TBX15: variants seen among roughly 807,000 people sequenced by gnomAD.
TBX15 encodes T-box transcription factor TBX15.
A neutral mutation model predicts 53.9 loss-of-function variants in TBX15; 18 were observed. The ratio of observed to expected loss-of-function variants is 0.33; its 90% CI spans 0.23 to 0.49. TBX15 has a LOEUF of 0.49. Ranked by LOEUF, TBX15 falls within the 20% of genes least tolerant of loss-of-function variation. The pLI, the probability that TBX15 is intolerant of heterozygous loss-of-function variation, is 0.98. For synonymous variants in TBX15, 295 were observed against 278.0 expected (o/e 1.06, Z -0.61); for missense variants, 692 against 749.5 (o/e 0.92, Z 0.90).
intron 6 of TBX15, among the ~76,000 whole-genome samples, chr1:118,912,640 G>C (rs536314910): frequency 2.6e-5 from 4 of 152,218 alleles, no homozygotes; most frequent in African/African-American, 9.6e-5. Flanking sequence ...AAGGCAATAG[G>C]AAATGGCTTG....
intron 1 of TBX15, among the ~76,000 whole-genome samples, chr1:118,978,714 G>A (rs2101049717): frequency 6.6e-6 from 1 of 152,224 alleles, no homozygotes; most frequent in South Asian, 2.1e-4. Context: ...ATCCACATAA[G>A]TAAGTAAAGT....
At chr1:118,911,863 A>T (rs891702005) in intron 6 of TBX15, among the ~76,000 whole-genome samples, 1 of 152,178 alleles carries the variant, frequency 6.6e-6, no homozygotes, top group African/African-American at 2.4e-5. Context: ...CATTCATGGC[A>T]TCTTATCAGG....
intron 1 of TBX15, among the ~76,000 whole-genome samples, chr1:118,936,208 T>C (rs1322392221): frequency 6.6e-6 from 1 of 152,184 alleles, no homozygotes; most frequent in Non-Finnish European, 1.5e-5. Context: ...ATGGGTGGAT[T>C]AGTAGTACAG....
At chr1:118,986,615 G>A (rs1433770957) in intron 1 of TBX15, among the ~76,000 whole-genome samples, 1 of 152,200 alleles carries the variant, frequency 6.6e-6, no homozygotes, top group Non-Finnish European at 1.5e-5. Context: ...CCCAGTGCAG[G>A]CCGCTGCCCC....
At chr1:118,961,298 C>T (rs997918049) in intron 1 of TBX15, among the ~76,000 whole-genome samples, 2 of 152,202 alleles carry the variant, frequency 1.3e-5, no homozygotes, top group African/African-American at 4.8e-5. Context: ...TTATACCTCC[C>T]AGCACCTAAT....
Position 118,885,284 on chromosome 1 carries a change from A to T in TBX15, c.1257T>A (p.Ser419Arg). The T allele has an allele frequency of 6.2e-7, 1 of 1,614,134 alleles. No individual in the cohort carries two copies. Among genetic ancestry groups the T allele is most frequent in the Non-Finnish European group, 8.5e-7 (1 of 1,180,014 alleles). The change falls in exon 8 of 8, where the codon AGT becomes AGA. Residue 419 changes from serine to arginine, a missense_variant. Coordinates refer to ENST00000369429, the MANE Select transcript of TBX15 (RefSeq NM_001330677.2). Reference protein sequence around the residue: ...ALQSYPGLSDSGYNRLQSGTT... With the variant: ...ALQSYPGLSDRGYNRLQSGTT... ...TGCCACTCTGAAGCCTGTTGTAGCCACTGTCACTCAGCCCTGGGTAGCTCT... is the reference window on the plus strand; with the variant it reads ...TGCCACTCTGAAGCCTGTTGTAGCCTCTGTCACTCAGCCCTGGGTAGCTCT...
At chr1:118,931,598 C>T (rs368556058) in intron 2 of TBX15, 21 bp downstream of exon 2, 91 of 1,612,934 alleles carry the variant, frequency 5.6e-5, no homozygotes, top group Non-Finnish European at 6.8e-5. Flanking sequence ...AATCTGGCCA[C>T]TCAAAGGAAT....
chr1:118,902,087 C>A (rs6700760), intron 6 of TBX15, among the ~76,000 whole-genome samples: 89,741 of 151,678 alleles, frequency 0.59, 27,982 homozygotes, highest in East Asian at 0.93. Flanking sequence ...ATAAATTATT[C>A]TATAATAGAA....
intron 6 of TBX15, among the ~76,000 whole-genome samples, chr1:118,907,766 T>G (rs913407180): frequency 6.6e-6 from 1 of 152,176 alleles, no homozygotes; most frequent in African/African-American, 2.4e-5. Flanking sequence ...GTGGCCAACC[T>G]CAAAGACATA....
At chr1:118,928,532 A>G (rs1655673514) in intron 2 of TBX15, among the ~76,000 whole-genome samples, 1 of 152,212 alleles carries the variant, frequency 6.6e-6, no homozygotes, top group Non-Finnish European at 1.5e-5. Flanking sequence ...AATACAGATA[A>G]GTAATTCCCT....
intron 7 of TBX15, among the ~76,000 whole-genome samples, chr1:118,893,915 C>T (rs1043420708): frequency 6.6e-6 from 1 of 151,728 alleles, no homozygotes; most frequent in Non-Finnish European, 1.5e-5. Flanking sequence ...TTTAATCATG[C>T]GGGAAAAAAA....
intron 6 of TBX15, among the ~76,000 whole-genome samples, chr1:118,900,836 C>A (rs1010720483): frequency 3.9e-5 from 6 of 152,112 alleles, no homozygotes; most frequent in African/African-American, 1.4e-4. Context: ...GGTCTTACTG[C>A]TTTGTTTTGG....
intron 1 of TBX15, among the ~76,000 whole-genome samples, chr1:118,937,216 C>T (rs975708593): frequency 3.9e-5 from 6 of 151,998 alleles, no homozygotes; most frequent in Admixed American, 2.0e-4. Context: ...CAGAGAATTA[C>T]AAACAAACTG....
At position 118,974,718 on chromosome 1, in the gene TBX15, G is replaced by A. The variant is rs528714875; in HGVS notation, c.205+12873C>T. ...AATAACTGCTACCATACCAAACAAGGCTACTCTAAATAGAGTTGTTACAAA... is the reference window on the plus strand; with the variant it reads ...AATAACTGCTACCATACCAAACAAGACTACTCTAAATAGAGTTGTTACAAA... On this transcript the variant is annotated intron_variant, in intron 1 of 7. Coordinates refer to ENST00000369429, the MANE Select transcript of TBX15 (RefSeq NM_001330677.2). 2.6e-5 allele frequency among the ~76,000 whole-genome samples: 4 copies of A among 152,214 alleles called. No homozygotes were observed. In the South Asian group the frequency reaches 8.3e-4, roughly 32 times the overall value.
chr1:118,940,017 G>C (rs1656117337), intron 1 of TBX15, among the ~76,000 whole-genome samples: 1 of 151,866 alleles, frequency 6.6e-6, no homozygotes, highest in African/African-American at 2.4e-5. Flanking sequence ...AATTGAATTA[G>C]TCTGACACTA....
At chr1:118,890,224 A>T (rs777434058) in intron 7 of TBX15, among the ~76,000 whole-genome samples, 1 of 152,106 alleles carries the variant, frequency 6.6e-6, no homozygotes, top group Non-Finnish European at 1.5e-5. Flanking sequence ...TCCTCTCTGA[A>T]TTATCTGTCC....
intron 1 of TBX15, among the ~76,000 whole-genome samples, chr1:118,979,369 C>G (rs1457496182): frequency 6.6e-6 from 1 of 152,062 alleles, no homozygotes; most frequent in Admixed American, 6.5e-5. Flanking sequence ...CACGATCCCA[C>G]AGGATGACTT....
intron 1 of TBX15, among the ~76,000 whole-genome samples, chr1:118,944,015 G>T (rs1030069556): frequency 1.3e-5 from 2 of 152,090 alleles, no homozygotes; most frequent in African/African-American, 4.8e-5. Context: ...ATGCTTTGAT[G>T]GCAGAAAGAA....
chr1:118,950,299 C>T (rs1656476109), intron 1 of TBX15, among the ~76,000 whole-genome samples: 2 of 152,196 alleles, frequency 1.3e-5, no homozygotes, highest in South Asian at 4.1e-4. Flanking sequence ...GGGACAGGCT[C>T]TTGTCTGACT....
Sources: gnomAD v4.1 joint callset for allele counts (sites outside exome capture counted in the v4.1 genomes callset) on GRCh38, gnomAD v4.1.1 for gene constraint, MANE v1.5 for transcripts, NCBI Gene and HGNC (gene_info 2026-07-23, HGNC 2026-07-21) for gene names.